Variants in MGAT4A observed in about 807,000 individuals in gnomAD.
MGAT4A encodes alpha-1,3-mannosyl-glycoprotein 4-beta-N-acetylglucosaminyltransferase A, also known as N-acetylglucosaminyltransferase IVa.
Under a neutral mutation model 74.1 loss-of-function variants are expected in MGAT4A, and 33 were observed. That is an observed-to-expected ratio of 0.45 (90% confidence interval 0.34 to 0.60). The LOEUF (loss-of-function observed/expected upper bound fraction) is 0.60. Ranked by LOEUF, MGAT4A falls within the 20% of genes least tolerant of loss-of-function variation. The pLI is 0.02. For missense variants in MGAT4A, 479 were observed against 628.3 expected (o/e 0.76, Z 2.54); for synonymous variants, 198 against 210.4 (o/e 0.94, Z 0.51).
In MGAT4A at chr2:98,622,095, T is replaced by G; in HGVS notation, c.*3471A>C. ...CTAAGATAAAGAACTTAAGAAATCTTACATCTTAGAATCCTAGAAATGGGT... is the reference window on the plus strand; with the variant it reads ...CTAAGATAAAGAACTTAAGAAATCTGACATCTTAGAATCCTAGAAATGGGT... On this transcript the variant is annotated 3_prime_UTR_variant, in exon 16 of 16. Transcript: ENST00000393487. The G allele has an allele frequency of 1.0e-6, 1 of 985,374 alleles. No homozygotes were observed. The allele number at this position is 985,374 out of a possible 1,614,324, so 61.0% of individuals were successfully genotyped here. A position where few individuals can be genotyped will look rare whatever the true frequency, so the allele number is the denominator to read the frequency against.
intron 2 of MGAT4A, among the ~76,000 whole-genome samples, chr2:98,683,080 T>A (rs537394756): frequency 1.3e-5 from 2 of 149,752 alleles, no homozygotes; most frequent in African/African-American, 4.9e-5. Flanking sequence ...AGAGCGAGAC[T>A]CCGTCTAAAA....
At chr2:98,721,922 T>C (rs537892579) in intron 2 of MGAT4A, among the ~76,000 whole-genome samples, 3 of 152,300 alleles carry the variant, frequency 2.0e-5, no homozygotes, top group South Asian at 4.1e-4. Flanking sequence ...TAAGTATGTA[T>C]GCATATGCAA....
chr2:98,641,045 T>TTCA (rs1340517790), intron 10 of MGAT4A, among the ~76,000 whole-genome samples: 1 of 152,154 alleles, frequency 6.6e-6, no homozygotes, highest in Non-Finnish European at 1.5e-5. Flanking sequence ...ACACCTATGT[T>TTCA]TCAACTCGTA....
chr2:98,644,734 A>C (rs1366514362), intron 9 of MGAT4A, among the ~76,000 whole-genome samples: 1 of 151,974 alleles, frequency 6.6e-6, no homozygotes, highest in Non-Finnish European at 1.5e-5. Flanking sequence ...CCCCCGTTCA[A>C]GCAATTATCT....
chr2:98,634,184 C>T (rs1040688244), intron 14 of MGAT4A, among the ~76,000 whole-genome samples: 5 of 152,176 alleles, frequency 3.3e-5, no homozygotes, highest in African/African-American at 1.2e-4. Flanking sequence ...ACAGGAGAGA[C>T]ACGGCCCCTC....
intron 8 of MGAT4A, among the ~76,000 whole-genome samples, chr2:98,652,620 C>T (rs1049990049): frequency 2.0e-5 from 3 of 147,268 alleles, no homozygotes; most frequent in African/African-American, 5.0e-5. Flanking sequence ...CGTGGGCCAC[C>T]GTGCCCAGCC....
chr2:98,640,041 C>T (rs1158157894), intron 11 of MGAT4A, 40 bp from the exon 12 acceptor site: 1 of 1,549,086 alleles, frequency 6.5e-7, no homozygotes, highest in African/African-American at 1.4e-5. Context: ...TAATACACAG[C>T]TTATTTAAGA....
intron 5 of MGAT4A, among the ~76,000 whole-genome samples, chr2:98,662,803 C>T (rs555703320): frequency 6.6e-6 from 1 of 152,178 alleles, no homozygotes; most frequent in Non-Finnish European, 1.5e-5. Flanking sequence ...GAAATAGGCA[C>T]ACGTTCTTAA....
rs933536464 is a variant in MGAT4A, at chr2:98,719,480, T to G, written c.94+6759A>C. The stretch of plus-strand genomic sequence containing the variant: ...GTGAAGGGGACCTTAGTACCCCAGG[T>G]TGCTAAAATACATTTCTCTAAAATG... On this transcript the variant is annotated intron_variant, in intron 2 of 15. Coordinates refer to ENST00000393487, the MANE Select transcript of MGAT4A (RefSeq NM_012214.3). Among the ~76,000 whole-genome samples, 3 of 152,116 alleles carry G rather than the reference T, an allele frequency of 2.0e-5. No individual in the cohort carries two copies. In the South Asian group the frequency reaches 6.2e-4, roughly 31 times the overall value.
chr2:98,675,099 A>G lies in MGAT4A; in HGVS notation c.339T>C (p.Pro113=). 1 of 1,612,738 alleles carries G rather than the reference A, an allele frequency of 6.2e-7. No individual in the cohort carries two copies. Among genetic ancestry groups the G allele is most frequent in the Non-Finnish European group, 8.5e-7 (1 of 1,179,428 alleles). The change falls in exon 4 of 16, where the codon CCT becomes CCC. Residue 113 remains proline (P), a synonymous_variant. Transcript: ENST00000393487. ...LQVPSIYYHL[P]HLLKNEGSLQ... ...GACTTCCTTCATTTTTCAATAAATG[A>G]GGCAAATGATAATAAATACTTGGCA... is the stretch of plus-strand genomic sequence containing the variant.
At chr2:98,689,377 C>T (rs1276441715) in intron 2 of MGAT4A, among the ~76,000 whole-genome samples, 2 of 152,148 alleles carry the variant, frequency 1.3e-5, no homozygotes, top group African/African-American at 4.8e-5. Context: ...TGAAATTGAT[C>T]ATAAAAGCAA....
intron 4 of MGAT4A, among the ~76,000 whole-genome samples, chr2:98,669,510 T>C (rs902357685): frequency 6.6e-6 from 1 of 152,218 alleles, no homozygotes; most frequent in Non-Finnish European, 1.5e-5. Flanking sequence ...ATTAGCAGCA[T>C]GAAAATGGAC....
At chr2:98,665,349 A>AG (rs1268084544) in intron 4 of MGAT4A, among the ~76,000 whole-genome samples, 98 of 151,348 alleles carry the variant, frequency 6.5e-4, no homozygotes, top group Non-Finnish European at 1.0e-3. Context: ...AAAAAAAAAA[A>AG]AGAATTCTAA....
intron 2 of MGAT4A, among the ~76,000 whole-genome samples, chr2:98,706,145 T>C (rs1343588508): frequency 1.3e-5 from 2 of 152,132 alleles, no homozygotes. Flanking sequence ...AAAAAGCTAT[T>C]TCTACTCTTT....
chr2:98,720,446 A>T (rs547234525), intron 2 of MGAT4A, among the ~76,000 whole-genome samples: 15 of 152,294 alleles, frequency 9.8e-5, no homozygotes, highest in Admixed American at 5.9e-4. Context: ...TTGAACTTGA[A>T]CTGGGACTTT....
At chr2:98,714,595 G>A (rs980305024) in intron 2 of MGAT4A, among the ~76,000 whole-genome samples, 1 of 152,110 alleles carries the variant, frequency 6.6e-6, no homozygotes, top group East Asian at 1.9e-4. Flanking sequence ...ATGATGCCAC[G>A]GTAGGAATGA....
At chr2:98,694,599 G>C (rs1702241336) in intron 2 of MGAT4A, 1 of 149,122 alleles carries the variant, frequency 6.7e-6, no homozygotes, top group Non-Finnish European at 1.5e-5. Context: ...CGAGGTGGGT[G>C]AATCACCTGA....
intron 8 of MGAT4A, among the ~76,000 whole-genome samples, chr2:98,650,615 A>G (rs1701562197): frequency 6.6e-6 from 1 of 152,158 alleles, no homozygotes; most frequent in Admixed American, 6.5e-5. Flanking sequence ...CTAAACAAAA[A>G]CTGGCCAGCC....
chr2:98,675,228 G>A (rs1701963331), intron 3 of MGAT4A, 53 bp from the exon 4 acceptor site: 3 of 1,345,982 alleles, frequency 2.2e-6, no homozygotes, highest in Non-Finnish European at 3.0e-6. Flanking sequence ...AGAAGTTGCT[G>A]ATTTTATAAA....
Sources: allele counts gnomAD v4.1 joint callset (sites outside exome capture counted in the v4.1 genomes callset), GRCh38; gene constraint gnomAD v4.1.1; transcripts MANE v1.5; gene names NCBI Gene and HGNC (gene_info 2026-07-23, HGNC 2026-07-21).